The following CNTNAP2 variants were observed in gnomAD, a reference collection of about 807,000 sequenced individuals.
The protein encoded by CNTNAP2 is contactin associated protein 2.
A neutral mutation model predicts 155.2 loss-of-function variants in CNTNAP2; 98 were observed. That is an observed-to-expected ratio of 0.63 (90% CI 0.54 to 0.75). The LOEUF (loss-of-function observed/expected upper bound fraction) is 0.75. CNTNAP2 is among the 30% of genes least tolerant of loss of function. The pLI is 0.00. For missense variants in CNTNAP2, 1,727 were observed against 1,688.1 expected (o/e 1.02, Z -0.40); for synonymous variants, 651 against 631.2 (o/e 1.03, Z -0.47).
chr7:147,279,229 T>C (rs114127202), intron 8 of CNTNAP2, among the ~76,000 whole-genome samples: 1,633 of 151,822 alleles, frequency 0.011, 29 homozygotes, highest in African/African-American at 0.037. Flanking sequence ...TATTATTTCT[T>C]CCAGTTAAAA....
At chr7:148,018,383 GC>G (rs1245693719) in intron 15 of CNTNAP2, among the ~76,000 whole-genome samples, 1 of 152,140 alleles carries the variant, frequency 6.6e-6, no homozygotes, top group Non-Finnish European at 1.5e-5. Flanking sequence ...GATTATCTGT[GC>G]TGGGGGCAGA....
At chr7:146,167,779 C>T (rs1166982265) in intron 1 of CNTNAP2, among the ~76,000 whole-genome samples, 2 of 152,094 alleles carry the variant, frequency 1.3e-5, no homozygotes, top group African/African-American at 2.4e-5. Context: ...GAAGGAGAGT[C>T]TATTGAATAT....
rs1051473320 is a variant in CNTNAP2 at position 147,012,732 on chromosome 7, T to A, written c.403-31175T>A. On this transcript the variant is annotated intron_variant, in intron 3 of 23. Coordinates refer to ENST00000361727, the MANE Select transcript of CNTNAP2 (RefSeq NM_014141.6). ...TGAGAAGTTGTCATGCCAAAGCTTT[T>A]GAAAACATAATTTGTAATTAGATTG... is the stretch of plus-strand genomic sequence containing the variant. Among the ~76,000 whole-genome samples, 4 of 152,180 alleles carry A rather than the reference T, an allele frequency of 2.6e-5. No homozygotes were observed. In the East Asian group the frequency reaches 5.8e-4, roughly 22 times the overall value.
chr7:148,217,479 A>G lies in CNTNAP2; in HGVS notation c.3202A>G (p.Ser1068Gly). 1 of 1,614,136 alleles carries G rather than the reference A, an allele frequency of 6.2e-7. No individual in the cohort carries two copies. ...TKAPCILLYI[S>G]SFTTDFLAVL... Reference sequence around the variant, plus strand: ...GGCGCCCTGCATTCTCCTCTACATCAGCTCCTTCACCACAGACTTCTTGGC... The same window carrying G: ...GGCGCCCTGCATTCTCCTCTACATCGGCTCCTTCACCACAGACTTCTTGGC... Residue 1068 changes from serine to glycine, a missense_variant, in exon 19 of 24, where the codon AGC (serine) becomes GGC (glycine). By Grantham distance (56) the Ser-to-Gly change is moderately conservative (BLOSUM62 0). Transcript: ENST00000361727.
At chr7:146,288,290 C>T (rs1025291438) in intron 1 of CNTNAP2, among the ~76,000 whole-genome samples, 1 of 137,608 alleles carries the variant, frequency 7.3e-6, no homozygotes, top group Non-Finnish European at 1.5e-5. Context: ...AGAATGAGAT[C>T]CTGCCTCAAA....
intron 1 of CNTNAP2, among the ~76,000 whole-genome samples, chr7:146,415,999 G>A (rs1435609386): frequency 6.6e-6 from 1 of 151,736 alleles, no homozygotes; most frequent in East Asian, 1.9e-4. Flanking sequence ...ATAAATTAAA[G>A]GATATATATT....
At position 148,377,771 on chromosome 7, in the gene CNTNAP2, G is replaced by A. The variant is rs1419384113; in HGVS notation, c.3476-5878G>A. ...GAATAGATGGTTTCAGTCATAGACC[G>A]TCCCTGACTTATGGTTCCACTTAGA... is the stretch of plus-strand genomic sequence containing the variant. On this transcript the variant is annotated intron_variant, in intron 21 of 23. Transcript: ENST00000361727. 2.9e-5 allele frequency among the ~76,000 whole-genome samples: 2 copies of A among 67,812 alleles called. 1 individual carries two copies. Among genetic ancestry groups the A allele is most frequent in the African/African-American group, 7.2e-5 (2 of 27,672 alleles). 44.5% of individuals were successfully genotyped at this position (67,812 alleles called of 152,430 possible).
chr7:146,700,170 C>T (rs556823669), intron 1 of CNTNAP2, among the ~76,000 whole-genome samples: 5 of 152,102 alleles, frequency 3.3e-5, no homozygotes, highest in African/African-American at 9.6e-5. Flanking sequence ...TAGTCAACAC[C>T]CGGTGTCCAG....
At chr7:147,314,263 C>T (rs11973281) in intron 9 of CNTNAP2, among the ~76,000 whole-genome samples, 2,951 of 152,068 alleles carry the variant, frequency 0.019, 104 homozygotes, top group African/African-American at 0.068. Flanking sequence ...ATTGAGGGTC[C>T]GGGAATTTAG....
At chr7:146,906,105 A>C (rs13239039) in intron 3 of CNTNAP2, among the ~76,000 whole-genome samples, 1 of 152,168 alleles carries the variant, frequency 6.6e-6, no homozygotes, top group African/African-American at 2.4e-5. Context: ...GGCTTAAAAA[A>C]CGGCGCACCA....
At chr7:147,755,713 G>A (rs1797205479) in intron 13 of CNTNAP2, among the ~76,000 whole-genome samples, 1 of 152,120 alleles carries the variant, frequency 6.6e-6, no homozygotes, top group South Asian at 2.1e-4. Context: ...TAAAGCCAGG[G>A]CCAGCTTCGT....
chr7:146,951,902 A>T (rs1446104835), intron 3 of CNTNAP2, among the ~76,000 whole-genome samples: 1 of 152,122 alleles, frequency 6.6e-6, no homozygotes, highest in African/African-American at 2.4e-5. Flanking sequence ...CATTTTCGCG[A>T]TATTGATTCT....
At chr7:147,136,917 T>C (rs1431965489) in intron 8 of CNTNAP2, among the ~76,000 whole-genome samples, 1 of 151,922 alleles carries the variant, frequency 6.6e-6, no homozygotes, top group African/African-American at 2.4e-5. Flanking sequence ...TGTTTCAGCA[T>C]TACTACAAAT....
At chr7:148,062,032 T>A (rs202072521) in intron 15 of CNTNAP2, among the ~76,000 whole-genome samples, 20,554 of 80,362 alleles carry the variant, frequency 0.26, 2,523 homozygotes, top group East Asian at 0.63. Context: ...AGAGAGAGTG[T>A]GTGTGTGTGT....
intron 3 of CNTNAP2, among the ~76,000 whole-genome samples, chr7:146,863,290 G>A (rs1795141115): frequency 1.3e-5 from 2 of 152,012 alleles, no homozygotes. Context: ...TTAAAAAGGA[G>A]CTTTATTATA....
intron 3 of CNTNAP2, among the ~76,000 whole-genome samples, chr7:146,875,175 T>A (rs1795394800): frequency 6.6e-6 from 1 of 152,140 alleles, no homozygotes; most frequent in Non-Finnish European, 1.5e-5. Context: ...TTTAATGGCA[T>A]CTGAGATTGT....
At chr7:147,727,136 GATAGC>G (rs768995762) in intron 13 of CNTNAP2, among the ~76,000 whole-genome samples, 47 of 151,936 alleles carry the variant, frequency 3.1e-4, no homozygotes, top group Non-Finnish European at 6.0e-4. Context: ...AAAGAAGACA[GATAGC>G]ATCCTGAGTG....
At chr7:147,806,684 C>A (rs909165597) in intron 13 of CNTNAP2, among the ~76,000 whole-genome samples, 3 of 152,140 alleles carry the variant, frequency 2.0e-5, no homozygotes, top group African/African-American at 7.2e-5. Flanking sequence ...GAATGAAATT[C>A]TGTCATTTAC....
chr7:147,450,884 T>C (rs1008798188), intron 10 of CNTNAP2, among the ~76,000 whole-genome samples: 1 of 152,208 alleles, frequency 6.6e-6, no homozygotes, highest in African/African-American at 2.4e-5. Context: ...AAACTGGACA[T>C]TAATTCCTTA....
Sources: gnomAD v4.1 joint callset for allele counts (sites outside exome capture counted in the v4.1 genomes callset) on GRCh38, gnomAD v4.1.1 for gene constraint, MANE v1.5 for transcripts, NCBI Gene and HGNC (gene_info 2026-07-23, HGNC 2026-07-21) for gene names.